Variants in CYP4A22 observed in about 807,000 individuals in gnomAD.
CYP4A22 encodes cytochrome P450 4A22.
In CYP4A22, 46 loss-of-function variants were observed where a neutral mutation model predicts 56.2. The ratio of observed to expected loss-of-function variants is 0.82; its 90% CI spans 0.65 to 1.05. The LOEUF is 1.05. Among genes scored for constraint, CYP4A22 ranks in the 50% least tolerant of loss-of-function variants. CYP4A22 has a pLI of 0.00. For missense variants in CYP4A22, 541 were observed against 645.9 expected (o/e 0.84, Z 1.76); for synonymous variants, 193 against 251.1 (o/e 0.77, Z 2.19).
intron 4 of CYP4A22, 25 bp from the exon 5 acceptor site, chr1:47,143,244 A>G: frequency 1.3e-6 from 2 of 1,577,576 alleles, no homozygotes; most frequent in Non-Finnish European, 1.7e-6. Context: ...GAGATTAAGA[A>G]GGTCCATGCC....
At chr1:47,143,149 A>T (rs1440394793) in intron 4 of CYP4A22, 120 bp from the exon 5 acceptor site, 2 of 1,515,692 alleles carry the variant, frequency 1.3e-6, no homozygotes, top group Admixed American at 2.1e-5. Flanking sequence ...AAGAATCCCA[A>T]CCAAGATATC....
At chr1:47,144,238 C>G in intron 6 of CYP4A22, 119 bp from the exon 7 acceptor site, 4 of 1,334,412 alleles carry the variant, frequency 3.0e-6, no homozygotes, top group Non-Finnish European at 3.1e-6. Context: ...GACCCTGCAC[C>G]CACACTCACA....
chr1:47,149,176 G>A lies in CYP4A22; in HGVS notation c.*379G>A, dbSNP rs1222169788. Reference sequence around the variant, plus strand: ...CCTGACGCACCATAATCTAAGCCCGGGGCATAAAACCCCTCGTGGCTTGGA... The same window carrying A: ...CCTGACGCACCATAATCTAAGCCCGAGGCATAAAACCCCTCGTGGCTTGGA... On this transcript the variant is annotated 3_prime_UTR_variant, in exon 12 of 12. Coordinates refer to ENST00000371891, the MANE Select transcript of CYP4A22 (RefSeq NM_001010969.4). 5.9e-6 allele frequency: 1 copy of A among 170,822 alleles called. No individual in the cohort carries two copies. The highest frequency in any genetic ancestry group is 2.4e-5 in the African/African-American group (1 of 41,994). The allele number at this position is 170,822 out of a possible 1,614,324, so 10.6% of individuals were successfully genotyped here. A position where few individuals can be genotyped will look rare whatever the true frequency, so the allele number is the denominator to read the frequency against.
Position 47,140,883 on chromosome 1 carries a change from A to T in CYP4A22, c.299A>T (p.Tyr100Phe). The T allele has an allele frequency of 6.2e-7, 1 of 1,614,178 alleles. No homozygotes were observed. The highest frequency in any genetic ancestry group is 1.7e-5 in the Admixed American group (1 of 60,020). Residue 100 changes from tyrosine (Y) to phenylalanine (F), a missense_variant, in exon 2 of 12, where the codon TAT (tyrosine) becomes TTT (phenylalanine). Tyr to Phe is a conservative substitution (Grantham distance 22, BLOSUM62 3). This residue lies in a region of CYP4A22 where 335 missense variants were observed against 361.2 expected (regional missense o/e 0.93). Coordinates refer to ENST00000371891, the MANE Select transcript of CYP4A22 (RefSeq NM_001010969.4). Reference protein sequence around the residue: ...IWGGKVRVQLYDPDYMKVILG... With the variant: ...IWGGKVRVQLFDPDYMKVILG... Reference sequence around the variant, plus strand: ...GGAGGCAAAGTTCGTGTCCAGCTCTATGACCCTGACTATATGAAGGTGATT... The same window carrying T: ...GGAGGCAAAGTTCGTGTCCAGCTCTTTGACCCTGACTATATGAAGGTGATT...
rs770092010 is a variant in CYP4A22 at position 47,145,819 on chromosome 1, C to A, written c.1223-47C>A. 3 of 1,612,264 alleles carry A rather than the reference C, an allele frequency of 1.9e-6. No individual in the cohort carries two copies. The African/African-American group carries it at 4.0e-5, about 22-fold the overall frequency. ...CCTGCAGGCTGAAGTACCAGGCCAC[C>A]CCATGCAAATGATCGGTCTTCTCTC... On this transcript the variant is annotated intron_variant, in intron 9 of 11. Coordinates refer to ENST00000371891, the MANE Select transcript of CYP4A22 (RefSeq NM_001010969.4).
intron 1 of CYP4A22, among the ~76,000 whole-genome samples, chr1:47,138,528 T>C (rs189502242): frequency 6.6e-6 from 1 of 152,358 alleles, no homozygotes; most frequent in East Asian, 1.9e-4. Flanking sequence ...AGCAAGCTTG[T>C]CCAACCCATG....
intron 11 of CYP4A22, chr1:47,147,101 TTAG>T (rs1439177355): frequency 2.0e-6 from 2 of 985,348 alleles, no homozygotes; most frequent in African/African-American, 1.7e-5. Context: ...ATAAAAATTC[TTAG>T]TAGAAACAAA....
chr1:47,146,527 A>G (rs1180809878), intron 11 of CYP4A22: 1 of 1,105,862 alleles, frequency 9.0e-7, no homozygotes, highest in East Asian at 6.3e-5. Context: ...AGGAATAGTA[A>G]ACTGTAGATT....
At chr1:47,142,589 T>C (rs1645024838) in intron 4 of CYP4A22, among the ~76,000 whole-genome samples, 1 of 152,194 alleles carries the variant, frequency 6.6e-6, no homozygotes, top group Non-Finnish European at 1.5e-5. Context: ...GCAGCTTCAG[T>C]GGCAGCATGG....
chr1:47,144,032 C>T, intron 6 of CYP4A22, 116 bp downstream of exon 6: 4 of 1,493,810 alleles, frequency 2.7e-6, no homozygotes, highest in Non-Finnish European at 3.6e-6. Flanking sequence ...ACACACTCAG[C>T]CTGGGGAATT....
chr1:47,145,129 T>C (rs1481188746), intron 9 of CYP4A22, among the ~76,000 whole-genome samples, 159 bp downstream of exon 9: 1 of 152,252 alleles, frequency 6.6e-6, no homozygotes, highest in African/African-American at 2.4e-5. Context: ...TTGAAAAGTC[T>C]GGCCGAGAGC....
intron 9 of CYP4A22, among the ~76,000 whole-genome samples, chr1:47,145,429 C>T (rs1391655187): frequency 1.3e-5 from 2 of 152,140 alleles, no homozygotes; most frequent in Non-Finnish European, 2.9e-5. Context: ...AGTTCTGGTC[C>T]CAGTCCTGCT....
At position 47,146,026 on chromosome 1, in the gene CYP4A22, C is replaced by A. The variant is rs989183808; in HGVS notation, c.1288-51C>A. The A allele has an allele frequency of 2.5e-6, 4 of 1,613,986 alleles. No individual in the cohort carries two copies. In the African/African-American group the frequency reaches 4.0e-5, roughly 16 times the overall value. On this transcript the variant is annotated intron_variant, in intron 10 of 11. Transcript: ENST00000371891. Reference sequence around the variant, plus strand: ...GGGAGTACTGTACCCTCATGGGTGGCAAGTAGGTGCTGGATCCTTAACTAT... The same window carrying A: ...GGGAGTACTGTACCCTCATGGGTGGAAAGTAGGTGCTGGATCCTTAACTAT...
chr1:47,138,494 T>C (rs1359703374), intron 1 of CYP4A22, among the ~76,000 whole-genome samples: 1 of 152,188 alleles, frequency 6.6e-6, no homozygotes, highest in African/African-American at 2.4e-5. Flanking sequence ...CTGGCACAGC[T>C]TGATGGTCAG....
intron 4 of CYP4A22, 61 bp from the exon 5 acceptor site, chr1:47,143,208 A>C (rs1645032667): frequency 1.9e-6 from 3 of 1,557,308 alleles, no homozygotes; most frequent in Middle Eastern, 1.7e-4. Flanking sequence ...TGAAAAAGCC[A>C]GGCCTTATTA....
Position 47,137,478 on chromosome 1 carries a change from G to A in CYP4A22, c.-8G>A. 1 of 1,609,532 alleles carries A rather than the reference G, an allele frequency of 6.2e-7. No individual in the cohort carries two copies. The highest frequency in any genetic ancestry group is 8.5e-7 in the Non-Finnish European group (1 of 1,177,498). On this transcript the variant is annotated 5_prime_UTR_variant, in exon 1 of 12. Coordinates refer to ENST00000371891, the MANE Select transcript of CYP4A22 (RefSeq NM_001010969.4). ...AGGGGCACTCAGAGATCCAGCAGGTGCTGCACCATGAGTGTCTCTGTCCTG... is the reference window on the plus strand; with the variant it reads ...AGGGGCACTCAGAGATCCAGCAGGTACTGCACCATGAGTGTCTCTGTCCTG...
At chr1:47,141,315 A>G (rs962017025) in intron 2 of CYP4A22, among the ~76,000 whole-genome samples, 1 of 152,144 alleles carries the variant, frequency 6.6e-6, no homozygotes, top group African/African-American at 2.4e-5. Context: ...TGTATTATTC[A>G]TTGTCATTGA....
intron 1 of CYP4A22, among the ~76,000 whole-genome samples, chr1:47,140,397 T>C (rs1391084668): frequency 6.6e-6 from 1 of 152,272 alleles, no homozygotes; most frequent in Non-Finnish European, 1.5e-5. Context: ...TATAAAATTA[T>C]TGTGTAATTT....
intron 1 of CYP4A22, among the ~76,000 whole-genome samples, chr1:47,138,072 T>A (rs1644964379): frequency 6.6e-6 from 1 of 152,244 alleles, no homozygotes. Context: ...TGCATTTGCC[T>A]GGGAGCACAG....
Sources: gnomAD v4.1 joint callset for allele counts (sites outside exome capture counted in the v4.1 genomes callset) on GRCh38, gnomAD v4.1.1 for gene constraint, gnomAD v4.1.1 regional missense constraint, MANE v1.5 for transcripts, NCBI Gene and HGNC (gene_info 2026-07-23, HGNC 2026-07-21) for gene names.